Variants in OSBPL2 observed in about 807,000 individuals in gnomAD.
OSBPL2 encodes oxysterol-binding protein-related protein 2.
A neutral mutation model predicts 58.4 loss-of-function variants in OSBPL2; 18 were observed. That is an observed-to-expected ratio of 0.31 (90% CI 0.21 to 0.46). OSBPL2 has a LOEUF of 0.46. Ranked by LOEUF, OSBPL2 falls within the 20% of genes least tolerant of loss-of-function variation. OSBPL2 has a pLI of 1.00. For synonymous variants in OSBPL2, 221 were observed against 234.1 expected, an observed-to-expected ratio of 0.94 and a Z score of 0.51; for missense variants, 461 against 616.5, an observed-to-expected ratio of 0.75 and a Z score of 2.67.
chr20:62,241,726 G>C (rs1979752351), intron 1 of OSBPL2, among the ~76,000 whole-genome samples: 1 of 152,238 alleles, frequency 6.6e-6, no homozygotes, highest in Non-Finnish European at 1.5e-5. Flanking sequence ...ATAACATCAA[G>C]TGTCTGATAC....
At chr20:62,275,429 C>T (rs1234451631) in intron 6 of OSBPL2, among the ~76,000 whole-genome samples, 1 of 151,010 alleles carries the variant, frequency 6.6e-6, no homozygotes, top group Non-Finnish European at 1.5e-5. Context: ...GACGAGGTCT[C>T]ACTCTGTCGC....
Position 62,291,570 on chromosome 20 carries a change from C to T in OSBPL2, c.1250-133C>T, listed in dbSNP as rs1450359726. The T allele has an allele frequency of 6.3e-6, 5 of 796,512 alleles. No homozygotes were observed. In the East Asian group the frequency reaches 7.9e-5, roughly 13 times the overall value. The allele number at this position is 796,512 out of a possible 1,614,324, so 49.3% of individuals were successfully genotyped here. On this transcript the variant is annotated intron_variant, in intron 12 of 13. Coordinates refer to ENST00000313733, the MANE Select transcript of OSBPL2 (RefSeq NM_144498.4). ...GCAACTGTGATTGTGTTTGGTCTCC[C>T]GATCACAGAACCTGTTGTCTGTGGC...
chr20:62,246,194 TC>T (rs1237089025), intron 1 of OSBPL2, among the ~76,000 whole-genome samples: 2 of 152,230 alleles, frequency 1.3e-5, no homozygotes, highest in African/African-American at 4.8e-5. Flanking sequence ...CAGGGCATGG[TC>T]CCATGATGGC....
At chr20:62,279,740 G>C (rs536125191) in intron 7 of OSBPL2, among the ~76,000 whole-genome samples, 1 of 152,252 alleles carries the variant, frequency 6.6e-6, no homozygotes, top group Non-Finnish European at 1.5e-5. Context: ...GCCGGGGACC[G>C]TGAGGTTGCG....
chr20:62,295,568 T>C lies in OSBPL2; in HGVS notation c.*1681T>C, dbSNP rs1469887138. ...TGTGTCATCCTCGGGGCCTATGAGC[T>C]CCGTACCAGCCACTCAAAAGTGTCT... On this transcript the variant is annotated 3_prime_UTR_variant, in exon 14 of 14. Transcript: ENST00000313733. This position sits in a 1 kb window ranked among gnomAD's most constrained non-coding sequence, Gnocchi z 4.8. 1 of 152,108 alleles carries C rather than the reference T, an allele frequency of 6.6e-6. No individual in the cohort carries two copies. The highest frequency in any genetic ancestry group is 1.5e-5 in the Non-Finnish European group (1 of 68,022). 9.4% of individuals were successfully genotyped at this position (152,108 alleles called of 1,614,324 possible).
chr20:62,248,744 G>T (rs903186395), intron 1 of OSBPL2, among the ~76,000 whole-genome samples: 5 of 151,936 alleles, frequency 3.3e-5, no homozygotes, highest in African/African-American at 4.8e-5. Flanking sequence ...TCTCTGGAGT[G>T]CAGTGGAGCA....
intron 2 of OSBPL2, among the ~76,000 whole-genome samples, chr20:62,258,190 C>T (rs185808152): frequency 1.3e-5 from 2 of 152,150 alleles, no homozygotes; most frequent in South Asian, 4.1e-4. Context: ...GTGGAAGGGA[C>T]AGACATCTAG....
intron 1 of OSBPL2, among the ~76,000 whole-genome samples, chr20:62,251,097 G>A (rs1980498004): frequency 7.3e-6 from 1 of 136,690 alleles, no homozygotes; most frequent in Admixed American, 8.0e-5. Context: ...AGGCTGGAGT[G>A]CAGTGGTGCG....
rs564280591 is a variant in OSBPL2 at position 62,248,452 on chromosome 20, G to A, written c.-128-7605G>A. 3.3e-5 allele frequency among the ~76,000 whole-genome samples: 5 copies of A among 152,182 alleles called. No individual in the cohort carries two copies. In the East Asian group the frequency reaches 9.7e-4, roughly 29 times the overall value. On this transcript the variant is annotated intron_variant, in intron 1 of 13. Coordinates refer to ENST00000313733, the MANE Select transcript of OSBPL2 (RefSeq NM_144498.4). Reference sequence around the variant, plus strand: ...ACTGTAGGCATGAGCCATCGTGTCTGGGCAGAACTGTATGAACTTAGAATT... The same window carrying A: ...ACTGTAGGCATGAGCCATCGTGTCTAGGCAGAACTGTATGAACTTAGAATT...
rs76134807 is a variant in OSBPL2 at position 62,260,330 on chromosome 20, G to C, written c.182+205G>C. ...CCTCTCTTGGCTCCTGGAATCCACA[G>C]ATGGCAATTTTTTGAGCAGTGCCTT... On this transcript the variant is annotated intron_variant, in intron 3 of 13. Coordinates refer to ENST00000313733, the MANE Select transcript of OSBPL2 (RefSeq NM_144498.4). Among the ~76,000 whole-genome samples the C allele has an allele frequency of 0.019, 2,956 of 152,286 alleles. 94 individuals are homozygous for C. Among genetic ancestry groups the C allele is most frequent in the African/African-American group, 0.067 (2,780 of 41,548 alleles).
chr20:62,290,913 T>A (rs144489482), intron 12 of OSBPL2, among the ~76,000 whole-genome samples: 1,684 of 150,102 alleles, frequency 0.011, 28 homozygotes, highest in African/African-American at 0.04. Context: ...AATTTTTGTA[T>A]TTTTAGTAGA....
Position 62,265,440 on chromosome 20 carries a change from A to C in OSBPL2, c.258+1749A>C, listed in dbSNP as rs1981600717. Among the ~76,000 whole-genome samples the C allele has an allele frequency of 3.3e-5, 5 of 151,964 alleles. No homozygotes were observed. The South Asian group carries it at 1.0e-3, about 31-fold the overall frequency. On this transcript the variant is annotated intron_variant, in intron 4 of 13. Coordinates refer to ENST00000313733, the MANE Select transcript of OSBPL2 (RefSeq NM_144498.4). ...TGAACACTTATTTCAGGCACTAAAG[A>C]ATGCTCTAGTTCAGCTTATATTTTC...
At chr20:62,260,193 A>G (rs1306429277) in intron 3 of OSBPL2, 68 bp downstream of exon 3, 1 of 1,488,654 alleles carries the variant, frequency 6.7e-7, no homozygotes, top group East Asian at 2.3e-5. Flanking sequence ...TCTGCAGGGT[A>G]CCCCTCAGCC....
chr20:62,275,201 T>TA (rs1447846079), intron 6 of OSBPL2, among the ~76,000 whole-genome samples: 7 of 152,088 alleles, frequency 4.6e-5, no homozygotes, highest in African/African-American at 1.2e-4. Context: ...CGTGTCTCTT[T>TA]AAAAAAAATG....
At position 62,262,398 on chromosome 20, in the gene OSBPL2, G is replaced by A. The variant is rs905076041; in HGVS notation, c.183-1218G>A. 4.6e-5 allele frequency among the ~76,000 whole-genome samples: 7 copies of A among 152,324 alleles called. No homozygotes were observed. The East Asian group carries it at 9.7e-4, about 21-fold the overall frequency. On this transcript the variant is annotated intron_variant, in intron 3 of 13. Coordinates refer to ENST00000313733, the MANE Select transcript of OSBPL2 (RefSeq NM_144498.4). Reference sequence around the variant, plus strand: ...TCTTTTCTCTTCTTTCATGTCTGTTGTTCCTACGCATCCCATCTCCATGCA... The same window carrying A: ...TCTTTTCTCTTCTTTCATGTCTGTTATTCCTACGCATCCCATCTCCATGCA...
intron 10 of OSBPL2, chr20:62,285,445 G>A (rs1401141240): frequency 6.6e-6 from 1 of 152,168 alleles, no homozygotes; most frequent in African/African-American, 2.4e-5. Flanking sequence ...GTTTTCAGTG[G>A]TCTCCCTGAA....
intron 13 of OSBPL2, among the ~76,000 whole-genome samples, chr20:62,293,025 CGCCTG>C (rs1983623994): frequency 6.6e-6 from 1 of 151,846 alleles, no homozygotes; most frequent in Non-Finnish European, 1.5e-5. Flanking sequence ...CCTGCCACCA[CGCCTG>C]GCTAATTTTT....
Position 62,284,047 on chromosome 20 carries a change from A to G in OSBPL2, c.874A>G (p.Lys292Glu), listed in dbSNP as rs1982957650. The stretch of plus-strand genomic sequence containing the variant: ...TTTAAAAATCCCATTTAATTACAGC[A>G]AAAAGAAGCTCTTTATGATCTATGG... ...KVEGHIQDKN[K>E]KKLFMIYGKW... The change falls in exon 10 of 14, where the codon AAA (lysine) becomes GAA (glutamate). Residue 292 changes from lysine to glutamate, a missense_variant and splice_region_variant. Lys to Glu is a moderately conservative substitution (Grantham distance 56, BLOSUM62 1). This residue lies in a region of OSBPL2 where 319 missense variants were observed against 419.2 expected (regional missense o/e 0.76). Transcript: ENST00000313733. 1 of 1,610,602 alleles carries G rather than the reference A, an allele frequency of 6.2e-7. No homozygotes were observed. Among genetic ancestry groups the G allele is most frequent in the Admixed American group, 1.7e-5 (1 of 59,416 alleles).
intron 1 of OSBPL2, among the ~76,000 whole-genome samples, chr20:62,252,512 A>G (rs924461406): frequency 2.6e-5 from 4 of 151,884 alleles, no homozygotes; most frequent in African/African-American, 4.8e-5. Flanking sequence ...TCCTTTTTCA[A>G]TGTGGTTGAT....
Sources: gnomAD v4.1 joint callset for allele counts (sites outside exome capture counted in the v4.1 genomes callset) on GRCh38, gnomAD v4.1.1 for gene constraint, gnomAD v4.1.1 regional missense constraint, Gnocchi (gnomAD v3.1) non-coding constraint, MANE v1.5 for transcripts, NCBI Gene and HGNC (gene_info 2026-07-23, HGNC 2026-07-21) for gene names.